Variants in MGAT4C observed in about 807,000 individuals in gnomAD.
The protein encoded by MGAT4C is MGAT4 family member C.
MGAT4C carries 19 observed loss-of-function variants against 40.1 expected under a neutral mutation model. The observed-to-expected ratio is 0.47, with a 90% CI of 0.33 to 0.70. The LOEUF (loss-of-function observed/expected upper bound fraction) is 0.70, where lower values mean the gene tolerates loss of function less well. MGAT4C is among the 30% of genes least tolerant of loss of function. The probability of loss-of-function intolerance (pLI) is 0.02; values close to 1 mark genes in which losing one functional copy is unlikely to be tolerated. For missense variants in MGAT4C, 491 were observed against 563.2 expected (o/e 0.87, Z 1.30); for synonymous variants, 181 against 187.1 (o/e 0.97, Z 0.27).
At chr12:86,433,555 T>C (rs968568076) in intron 3 of MGAT4C, among the ~76,000 whole-genome samples, 7 of 152,068 alleles carry the variant, frequency 4.6e-5, no homozygotes, top group Middle Eastern at 6.8e-3. Context: ...CATGGTAACA[T>C]AGTTAATGAC....
At chr12:86,766,386 C>A (rs1951508677) in intron 1 of MGAT4C, among the ~76,000 whole-genome samples, 1 of 152,076 alleles carries the variant, frequency 6.6e-6, no homozygotes, top group Non-Finnish European at 1.5e-5. Flanking sequence ...GAGTGACTTA[C>A]AAAGAGACTT....
chr12:86,005,187 G>T (rs1887749983), intron 2 of MGAT4C, among the ~76,000 whole-genome samples: 1 of 152,074 alleles, frequency 6.6e-6, no homozygotes. Context: ...AAAGACTTGT[G>T]CCACATTGGG....
At chr12:86,004,689 G>C (rs1887691781) in intron 2 of MGAT4C, among the ~76,000 whole-genome samples, 1 of 152,110 alleles carries the variant, frequency 6.6e-6, no homozygotes, top group Non-Finnish European at 1.5e-5. Context: ...AGTGATTATG[G>C]TTTTGTTTGA....
intron 1 of MGAT4C, among the ~76,000 whole-genome samples, chr12:86,787,538 C>A (rs905544322): frequency 1.5e-4 from 23 of 151,616 alleles, no homozygotes; most frequent in African/African-American, 5.6e-4. Context: ...CATCACTAGT[C>A]ATCAGGTACA....
At chr12:86,350,601 A>G (rs1432470211) in intron 3 of MGAT4C, among the ~76,000 whole-genome samples, 2 of 152,206 alleles carry the variant, frequency 1.3e-5, no homozygotes, top group East Asian at 1.9e-4. Flanking sequence ...TTATGCATAA[A>G]AGAAAAAAGA....
chr12:86,081,013 T>C (rs769166572), intron 1 of MGAT4C, among the ~76,000 whole-genome samples: 9 of 152,306 alleles, frequency 5.9e-5, no homozygotes, highest in Non-Finnish European at 1.2e-4. Context: ...AAAAAAGGTA[T>C]AAATAGAATG....
chr12:86,489,105 C>T (rs543955625), intron 2 of MGAT4C, among the ~76,000 whole-genome samples: 1 of 152,172 alleles, frequency 6.6e-6, no homozygotes, highest in Non-Finnish European at 1.5e-5. Context: ...CTATCTTGTG[C>T]CTATAAAGAC....
Position 86,618,460 on chromosome 12 carries a change from G to T in MGAT4C, c.-229+108749C>A, listed in dbSNP as rs1962530894. ...ACAGATGAATAGGTAAAGAAAATGT[G>T]GTGTATAAATACACAACTGAATACT... On this transcript the variant is annotated intron_variant, in intron 2 of 7. Transcript: ENST00000548651. Among the ~76,000 whole-genome samples, 3 of 151,958 alleles carry T rather than the reference G, an allele frequency of 2.0e-5. No individual in the cohort carries two copies. In the South Asian group the frequency reaches 6.2e-4, roughly 32 times the overall value.
chr12:86,806,791 G>T (rs1207014385), intron 1 of MGAT4C, among the ~76,000 whole-genome samples: 1 of 151,926 alleles, frequency 6.6e-6, no homozygotes, highest in Non-Finnish European at 1.5e-5. Context: ...TCACTCATAG[G>T]TGGGAATTGA....
At chr12:86,647,817 C>T (rs1446924183) in intron 2 of MGAT4C, among the ~76,000 whole-genome samples, 1 of 151,914 alleles carries the variant, frequency 6.6e-6, no homozygotes, top group Non-Finnish European at 1.5e-5. Context: ...TGATAAACTA[C>T]ATGAGTATCT....
intron 1 of MGAT4C, among the ~76,000 whole-genome samples, chr12:86,245,271 C>T (rs574525858): frequency 6.6e-6 from 1 of 152,262 alleles, no homozygotes; most frequent in Admixed American, 6.5e-5. Context: ...CAGAGAGGAG[C>T]AATTAGGTCT....
chr12:86,725,882 C>G (rs531133799), intron 2 of MGAT4C, among the ~76,000 whole-genome samples: 1 of 151,926 alleles, frequency 6.6e-6, no homozygotes, highest in East Asian at 1.9e-4. Flanking sequence ...TTTCAAACAA[C>G]CTTTCCAAAT....
chr12:86,599,655 T>C (rs1961690246), intron 2 of MGAT4C: 1 of 152,098 alleles, frequency 6.6e-6, no homozygotes, highest in Non-Finnish European at 1.5e-5. Flanking sequence ...ATTATCCCAT[T>C]TTACAGCTGA....
chr12:86,569,587 T>C (rs1960279615), intron 2 of MGAT4C, among the ~76,000 whole-genome samples: 1 of 152,080 alleles, frequency 6.6e-6, no homozygotes, highest in African/African-American at 2.4e-5. Flanking sequence ...ACTCTGTTGC[T>C]ATGAGTGTTA....
At chr12:86,460,391 A>G (rs2136294912) in intron 2 of MGAT4C, among the ~76,000 whole-genome samples, 1 of 152,306 alleles carries the variant, frequency 6.6e-6, no homozygotes, top group South Asian at 2.1e-4. Flanking sequence ...TTTTGTGGTT[A>G]TGATTATGAA....
intron 1 of MGAT4C, among the ~76,000 whole-genome samples, chr12:86,753,913 A>G (rs1951261766): frequency 6.6e-6 from 1 of 152,120 alleles, no homozygotes; most frequent in South Asian, 2.1e-4. Flanking sequence ...GTTGGTGTGG[A>G]TGTAAAAATC....
At chr12:86,258,299 C>A (rs1362033419), upstream of MGAT4C, among the ~76,000 whole-genome samples, 1 of 142,352 alleles carries the variant, frequency 7.0e-6, no homozygotes, top group Non-Finnish European at 1.5e-5. Context: ...ATCTATCTAT[C>A]TATCTATCTA....
intron 3 of MGAT4C, among the ~76,000 whole-genome samples, chr12:86,408,177 A>G (rs1956513131): frequency 6.6e-6 from 1 of 152,002 alleles, no homozygotes; most frequent in African/African-American, 2.4e-5. Context: ...ATGTGTTTGA[A>G]TGCACACATG....
chr12:86,641,057 T>C (rs1963366758), intron 2 of MGAT4C, among the ~76,000 whole-genome samples: 1 of 151,838 alleles, frequency 6.6e-6, no homozygotes, highest in Non-Finnish European at 1.5e-5. Context: ...TGTGGTGTGG[T>C]GCGGAAAAAA....
Sources: allele counts gnomAD v4.1 joint callset (sites outside exome capture counted in the v4.1 genomes callset), GRCh38; gene constraint gnomAD v4.1.1; transcripts MANE v1.5; gene names NCBI Gene and HGNC (gene_info 2026-07-23, HGNC 2026-07-21).